The following GPC5 variants were observed in gnomAD, a reference collection of about 807,000 sequenced individuals.
GPC5 encodes glypican 5.
GPC5 carries 47 observed loss-of-function variants against 53.9 expected under a neutral mutation model. The ratio of observed to expected loss-of-function variants is 0.87; its 90% CI spans 0.69 to 1.11. The LOEUF (loss-of-function observed/expected upper bound fraction) is 1.11, where lower values mean the gene tolerates loss of function less well. Ranked by LOEUF, GPC5 falls within the 50% of genes most tolerant of loss-of-function variation. GPC5 has a pLI of 0.00. For missense variants in GPC5, 748 were observed against 713.1 expected, an observed-to-expected ratio of 1.05 and a Z score of -0.56; for synonymous variants, 286 against 263.3, an observed-to-expected ratio of 1.09 and a Z score of -0.84.
intron 6 of GPC5, among the ~76,000 whole-genome samples, chr13:92,134,953 T>C (rs890874948): frequency 6.6e-6 from 1 of 152,156 alleles, no homozygotes; most frequent in African/African-American, 2.4e-5. Context: ...TACTGCATAA[T>C]GTTTGACTAT....
intron 7 of GPC5, among the ~76,000 whole-genome samples, chr13:92,339,098 A>G (rs2043345823): frequency 6.6e-6 from 1 of 151,938 alleles, no homozygotes; most frequent in Admixed American, 6.6e-5. Context: ...GATCATCTCA[A>G]AATATTTCTA....
intron 2 of GPC5, among the ~76,000 whole-genome samples, chr13:91,462,369 CT>C (rs985883415): frequency 2.0e-5 from 3 of 152,018 alleles, no homozygotes; most frequent in Non-Finnish European, 2.9e-5. Context: ...CAAATTAGTC[CT>C]TTTCAAAACA....
chr13:92,780,964 T>C (rs1052310081), intron 7 of GPC5, among the ~76,000 whole-genome samples: 9 of 152,036 alleles, frequency 5.9e-5, no homozygotes, highest in African/African-American at 2.2e-4. Flanking sequence ...ATAAAGGAAA[T>C]TGATAGTAGA....
chr13:92,849,670 G>A (rs1878726078), intron 7 of GPC5, among the ~76,000 whole-genome samples: 1 of 152,104 alleles, frequency 6.6e-6, no homozygotes, highest in Non-Finnish European at 1.5e-5. Context: ...TTCAATCAAT[G>A]CCCAATCCAG....
At chr13:92,400,605 T>C in intron 7 of GPC5, among the ~76,000 whole-genome samples, 1 of 152,192 alleles carries the variant, frequency 6.6e-6, no homozygotes, top group South Asian at 2.1e-4. Flanking sequence ...ATGGCAGCCA[T>C]GAAACTCCCT....
At chr13:92,031,828 AAT>A (rs1213603459) in intron 6 of GPC5, among the ~76,000 whole-genome samples, 2 of 106,340 alleles carry the variant, frequency 1.9e-5, no homozygotes, top group Non-Finnish European at 3.4e-5. Context: ...TATTATATAT[AAT>A]ATATAATATA....
intron 7 of GPC5, among the ~76,000 whole-genome samples, chr13:92,784,780 A>G (rs1207786690): frequency 1.3e-5 from 2 of 152,226 alleles, no homozygotes; most frequent in Non-Finnish European, 2.9e-5. Flanking sequence ...CCTAAGATAT[A>G]TCAGGTTATC....
intron 1 of GPC5, among the ~76,000 whole-genome samples, chr13:91,437,925 C>G (rs1880110102): frequency 6.6e-6 from 1 of 152,228 alleles, no homozygotes; most frequent in Admixed American, 6.5e-5. Flanking sequence ...GATCTTCCAT[C>G]ACTGGTACCT....
chr13:91,417,370 T>C (rs1455435265), intron 1 of GPC5, among the ~76,000 whole-genome samples: 1 of 152,106 alleles, frequency 6.6e-6, no homozygotes, highest in South Asian at 2.1e-4. Flanking sequence ...GGGACAGAAC[T>C]GAGAGATGGA....
intron 6 of GPC5, among the ~76,000 whole-genome samples, chr13:91,994,051 G>A (rs1235717465): frequency 2.6e-5 from 4 of 152,150 alleles, no homozygotes; most frequent in Admixed American, 6.5e-5. Context: ...ACTGCCTAAC[G>A]TTGAGATGTT....
At chr13:92,076,887 C>T (rs529965736) in intron 6 of GPC5, among the ~76,000 whole-genome samples, 1 of 152,126 alleles carries the variant, frequency 6.6e-6, no homozygotes, top group African/African-American at 2.4e-5. Flanking sequence ...ATTCTAGCAC[C>T]TTTTAAAGGC....
At chr13:92,175,970 G>C (rs2042106524) in intron 7 of GPC5, among the ~76,000 whole-genome samples, 1 of 152,124 alleles carries the variant, frequency 6.6e-6, no homozygotes, top group South Asian at 2.1e-4. Flanking sequence ...TGGTGACTCT[G>C]TATGTTTGTT....
Position 91,940,356 on chromosome 13 carries a change from G to C in GPC5, c.1401+32299G>C, listed in dbSNP as rs546855934. ...TTTTTATGGCTGCATAGTATTCTAC[G>C]TTATATACATACTACATTTTCTTTA... On this transcript the variant is annotated intron_variant, in intron 6 of 7. Coordinates refer to ENST00000377067, the MANE Select transcript of GPC5 (RefSeq NM_004466.6). 2.6e-5 allele frequency among the ~76,000 whole-genome samples: 4 copies of C among 152,198 alleles called. No individual in the cohort carries two copies. In the South Asian group the frequency reaches 8.3e-4, roughly 32 times the overall value.
intron 2 of GPC5, among the ~76,000 whole-genome samples, chr13:91,599,693 A>G (rs889269524): frequency 8.5e-5 from 13 of 152,338 alleles, no homozygotes; most frequent in Admixed American, 6.5e-4. Flanking sequence ...TTAATTCATA[A>G]TTACATAGTC....
chr13:92,798,357 G>A (rs944722604), intron 7 of GPC5, among the ~76,000 whole-genome samples: 1 of 151,920 alleles, frequency 6.6e-6, no homozygotes, highest in Non-Finnish European at 1.5e-5. Flanking sequence ...GTTCATAATC[G>A]ATACTAAATT....
chr13:92,395,170 T>C (rs1400021978), intron 7 of GPC5, among the ~76,000 whole-genome samples: 1 of 152,210 alleles, frequency 6.6e-6, no homozygotes, highest in Non-Finnish European at 1.5e-5. Flanking sequence ...TTCTGCTTGT[T>C]ACATGCTCCT....
At chr13:91,501,320 G>A (rs1884625787) in intron 2 of GPC5, among the ~76,000 whole-genome samples, 1 of 136,950 alleles carries the variant, frequency 7.3e-6, no homozygotes, top group African/African-American at 2.7e-5. Context: ...ATGTATATAT[G>A]TGCCATGTTG....
intron 7 of GPC5, among the ~76,000 whole-genome samples, chr13:92,572,497 G>A (rs773664925): frequency 1.3e-5 from 2 of 152,102 alleles, no homozygotes; most frequent in Non-Finnish European, 2.9e-5. Flanking sequence ...CTCTTGATAA[G>A]GAAGGCACAC....
chr13:91,576,930 TA>T (rs5805706), intron 2 of GPC5, among the ~76,000 whole-genome samples: 50,517 of 149,376 alleles, frequency 0.34, 8,655 homozygotes, highest in African/African-American at 0.44. Flanking sequence ...GGTTCATCTG[TA>T]AAAAAAAAAA....
Sources: allele counts gnomAD v4.1 joint callset (sites outside exome capture counted in the v4.1 genomes callset), GRCh38; gene constraint gnomAD v4.1.1; transcripts MANE v1.5; gene names NCBI Gene and HGNC (gene_info 2026-07-23, HGNC 2026-07-21).